PPP3CA: variants seen among roughly 807,000 people sequenced by gnomAD.
PPP3CA encodes CAM-PRP catalytic subunit.
In PPP3CA, 14 loss-of-function variants were observed where a neutral mutation model predicts 66.5. The observed-to-expected ratio is 0.21, with a 90% CI of 0.14 to 0.33. The LOEUF (loss-of-function observed/expected upper bound fraction) is 0.33, where lower values mean the gene tolerates loss of function less well. PPP3CA is among the 10% of genes least tolerant of loss of function. The probability of loss-of-function intolerance (pLI) is 1.00; values close to 1 mark genes in which losing one functional copy is unlikely to be tolerated. For synonymous variants in PPP3CA, 232 were observed against 226.2 expected (o/e 1.03, Z -0.23); for missense variants, 317 against 639.5 (o/e 0.50, Z 5.44).
chr4:101,305,108 C>A (rs1293860293), intron 1 of PPP3CA, among the ~76,000 whole-genome samples: 2 of 152,206 alleles, frequency 1.3e-5, no homozygotes, highest in Non-Finnish European at 2.9e-5. Context: ...ACAGCAGAAC[C>A]ACTTCCCACA....
At chr4:101,177,515 G>GA (rs1490166873) in intron 2 of PPP3CA, among the ~76,000 whole-genome samples, 2 of 151,402 alleles carry the variant, frequency 1.3e-5, no homozygotes, top group African/African-American at 4.8e-5. Flanking sequence ...TTAAGCTTGG[G>GA]AAAAAAAGGG....
chr4:101,079,686 C>G (rs190252361), intron 8 of PPP3CA, among the ~76,000 whole-genome samples: 2 of 152,322 alleles, frequency 1.3e-5, no homozygotes, highest in African/African-American at 4.8e-5. Context: ...CAGACCAATG[C>G]TACATAGAGT....
chr4:101,038,854 A>G (rs1228544089), intron 11 of PPP3CA, among the ~76,000 whole-genome samples: 1 of 152,174 alleles, frequency 6.6e-6, no homozygotes, highest in Non-Finnish European at 1.5e-5. Context: ...TATTATAGAA[A>G]AACAATAATA....
At chr4:101,248,134 T>C (rs1473389756) in intron 1 of PPP3CA, among the ~76,000 whole-genome samples, 1 of 152,192 alleles carries the variant, frequency 6.6e-6, no homozygotes, top group Non-Finnish European at 1.5e-5. Context: ...AAACCTCTTT[T>C]GGCCCTTCCA....
At chr4:101,094,255 T>C (rs1204654471) in intron 5 of PPP3CA, among the ~76,000 whole-genome samples, 3 of 152,184 alleles carry the variant, frequency 2.0e-5, no homozygotes, top group Non-Finnish European at 4.4e-5. Context: ...ACTTACTTTA[T>C]CTATCCAAAT....
chr4:101,110,404 A>T (rs1721630466), intron 2 of PPP3CA, among the ~76,000 whole-genome samples: 2 of 152,332 alleles, frequency 1.3e-5, no homozygotes, highest in Admixed American at 1.3e-4. Context: ...TCCTGTCTTT[A>T]CTGTCAAGAA....
chr4:101,078,009 A>C (rs1007010091), intron 8 of PPP3CA, among the ~76,000 whole-genome samples: 1 of 152,024 alleles, frequency 6.6e-6, no homozygotes, highest in African/African-American at 2.4e-5. Flanking sequence ...TTCCGTTTTT[A>C]CTGTTTTGGT....
chr4:101,150,502 G>A (rs1723103573), intron 2 of PPP3CA, among the ~76,000 whole-genome samples: 2 of 152,204 alleles, frequency 1.3e-5, no homozygotes, highest in South Asian at 4.1e-4. Context: ...TTGCTAGTGA[G>A]AGAACATGTA....
chr4:101,168,602 GA>G (rs1168766329), intron 2 of PPP3CA, among the ~76,000 whole-genome samples: 1 of 152,082 alleles, frequency 6.6e-6, no homozygotes, highest in Non-Finnish European at 1.5e-5. Flanking sequence ...ACAAACTAAG[GA>G]AAAAGCAGGT....
intron 2 of PPP3CA, among the ~76,000 whole-genome samples, chr4:101,187,690 G>A (rs890703861): frequency 7.9e-5 from 12 of 152,116 alleles, no homozygotes; most frequent in East Asian, 1.9e-4. Context: ...TCTCTTATTC[G>A]CCAAATGGTA....
At position 101,242,536 on chromosome 4, in the gene PPP3CA, T is replaced by TA. The variant is rs548222805; in HGVS notation, c.59-46421dup. Reference sequence around the variant, plus strand: ...TCAGTAAGGAAAATATTGGTTTAAATAAAAAAAAAGAGTAAAACTGAATTC... The same window carrying TA: ...TCAGTAAGGAAAATATTGGTTTAAATAAAAAAAAAAGAGTAAAACTGAATTC... On this transcript the variant is annotated intron_variant, in intron 1 of 13. Coordinates refer to ENST00000394854, the MANE Select transcript of PPP3CA (RefSeq NM_000944.5). 3.3e-3 allele frequency among the ~76,000 whole-genome samples: 501 copies of TA among 151,182 alleles called. 3 individuals carry two copies. Among genetic ancestry groups the TA allele is most frequent in the Middle Eastern group, 0.021 (6 of 292 alleles).
At chr4:101,248,069 T>C (rs923640374) in intron 1 of PPP3CA, among the ~76,000 whole-genome samples, 3 of 152,204 alleles carry the variant, frequency 2.0e-5, no homozygotes, top group African/African-American at 7.2e-5. Flanking sequence ...ATATCAGTAA[T>C]TAGAAGACAA....
chr4:101,331,834 A>G (rs1441964395), intron 1 of PPP3CA, among the ~76,000 whole-genome samples: 1 of 152,206 alleles, frequency 6.6e-6, no homozygotes, highest in Non-Finnish European at 1.5e-5. Context: ...ATGCTATATT[A>G]TAAATATTTT....
chr4:101,334,967 C>T (rs1729577792), intron 1 of PPP3CA, among the ~76,000 whole-genome samples: 1 of 152,178 alleles, frequency 6.6e-6, no homozygotes, highest in African/African-American at 2.4e-5. Flanking sequence ...GATCAAGCAA[C>T]TGCAATTTAT....
In PPP3CA at chr4:101,338,505, T is replaced by C. The variant is rs565403684; in HGVS notation, c.58+8234A>G. On this transcript the variant is annotated intron_variant, in intron 1 of 13. Transcript: ENST00000394854. Reference sequence around the variant, plus strand: ...CAAATGCCTATTCTACAGCAGGCCCTGTGCTAGAGCTAAAGACACAAAAGT... The same window carrying C: ...CAAATGCCTATTCTACAGCAGGCCCCGTGCTAGAGCTAAAGACACAAAAGT... Among the ~76,000 whole-genome samples, 4 of 152,378 alleles carry C rather than the reference T, an allele frequency of 2.6e-5. No individual in the cohort carries two copies. In the South Asian group the frequency reaches 8.3e-4, roughly 32 times the overall value.
chr4:101,253,967 C>G (rs1212921063), intron 1 of PPP3CA, among the ~76,000 whole-genome samples: 1 of 151,822 alleles, frequency 6.6e-6, no homozygotes, highest in South Asian at 2.1e-4. Context: ...TCTCTTTGCC[C>G]CTCCCACCTC....
intron 10 of PPP3CA, among the ~76,000 whole-genome samples, chr4:101,048,486 A>G (rs1229785186): frequency 7.3e-6 from 1 of 136,692 alleles, no homozygotes; most frequent in African/African-American, 2.7e-5. Flanking sequence ...ATGTGAATCC[A>G]GAGATTGTTT....
chr4:101,089,778 T>A (rs1044321803), intron 6 of PPP3CA, among the ~76,000 whole-genome samples: 1 of 152,218 alleles, frequency 6.6e-6, no homozygotes, highest in African/African-American at 2.4e-5. Context: ...GTGCAAACTC[T>A]GGTCTAAGAT....
intron 6 of PPP3CA, among the ~76,000 whole-genome samples, chr4:101,086,575 G>C (rs1014619338): frequency 6.6e-6 from 1 of 151,830 alleles, no homozygotes; most frequent in African/African-American, 2.4e-5. Flanking sequence ...TGCCTTTATG[G>C]ATACTTTCCC....
Sources: gnomAD v4.1 joint callset for allele counts (sites outside exome capture counted in the v4.1 genomes callset) on GRCh38, gnomAD v4.1.1 for gene constraint, MANE v1.5 for transcripts, NCBI Gene and HGNC (gene_info 2026-07-23, HGNC 2026-07-21) for gene names.